The following CELF2 variants were observed in gnomAD, a reference collection of about 807,000 sequenced individuals.
The protein encoded by CELF2 is CUGBP Elav-like family member 2.
Under a neutral mutation model 62.6 loss-of-function variants are expected in CELF2, and 8 were observed. The observed-to-expected ratio is 0.13, with a 90% CI of 0.07 to 0.23. The LOEUF (loss-of-function observed/expected upper bound fraction) is 0.23, where lower values mean the gene tolerates loss of function less well. Ranked by LOEUF, CELF2 falls within the 10% of genes least tolerant of loss-of-function variation. CELF2 has a pLI of 1.00. For synonymous variants in CELF2, 258 were observed against 250.0 expected (o/e 1.03, Z -0.30); for missense variants, 333 against 671.0 (o/e 0.50, Z 5.56).
chr10:10,523,133 A>G, the CELF2 span, among the ~76,000 whole-genome samples: 2 of 152,208 alleles, frequency 1.3e-5, no homozygotes, highest in Non-Finnish European at 2.9e-5. Context: ...AAGAGCTGGC[A>G]GTCAAAGGTG....
At chr10:10,783,076 G>T in the CELF2 span, among the ~76,000 whole-genome samples, 1 of 152,144 alleles carries the variant, frequency 6.6e-6, no homozygotes, top group South Asian at 2.1e-4. Context: ...GAAACATTAA[G>T]AAATTTCCTC....
intron 1 of CELF2, among the ~76,000 whole-genome samples, chr10:10,803,316 G>T (rs2054859585): frequency 1.3e-5 from 2 of 152,122 alleles, no homozygotes; most frequent in Admixed American, 6.5e-5. Context: ...GCCCCATCTG[G>T]CCTGACCCTT....
upstream of CELF2, among the ~76,000 whole-genome samples, chr10:11,013,742 A>C (rs2056835109): frequency 6.6e-6 from 1 of 152,216 alleles, no homozygotes; most frequent in Non-Finnish European, 1.5e-5. This position sits in a 1 kb window ranked among gnomAD's most constrained non-coding sequence, Gnocchi z 4.1. Flanking sequence ...TCACTGTTCC[A>C]GAAGTTATCA....
In CELF2 at chr10:11,246,964, C is replaced by T. The variant is rs1037435947; in HGVS notation, c.355-2189C>T. On this transcript the variant is annotated intron_variant, in intron 3 of 12. Transcript: ENST00000633077. This position sits in a 1 kb window ranked among gnomAD's most constrained non-coding sequence, Gnocchi z 4.6. ...ACTCTTTGCTCATGCTTTCCCCATT[C>T]GGGCAGTCATCCCACAGTCACCTGG... Among the ~76,000 whole-genome samples the T allele has an allele frequency of 6.6e-6, 1 of 152,172 alleles. No homozygotes were observed. Among genetic ancestry groups the T allele is most frequent in the East Asian group, 1.9e-4 (1 of 5,184 alleles).
chr10:10,727,034 G>A, the CELF2 span, among the ~76,000 whole-genome samples: 2 of 152,160 alleles, frequency 1.3e-5, no homozygotes, highest in African/African-American at 2.4e-5. Flanking sequence ...ACCAGATCTC[G>A]TGAGAACTCC....
the CELF2 span, among the ~76,000 whole-genome samples, chr10:10,654,771 G>C: frequency 3.4e-5 from 5 of 146,292 alleles, no homozygotes; most frequent in African/African-American, 1.3e-4. Flanking sequence ...CATACTGAAT[G>C]GGCAAAAACT....
the CELF2 span, among the ~76,000 whole-genome samples, chr10:10,728,452 CAAAAAA>C: frequency 6.1e-5 from 5 of 81,440 alleles, no homozygotes; most frequent in East Asian, 3.6e-4. Flanking sequence ...GACTCTGTTT[CAAAAAA>C]AAAAAAAAAA....
chr10:10,825,488 G>A (rs1435721463), intron 1 of CELF2, among the ~76,000 whole-genome samples: 4 of 152,188 alleles, frequency 2.6e-5, no homozygotes, highest in Non-Finnish European at 4.4e-5. Flanking sequence ...GGGATTACAG[G>A]CATGAGCCAC....
chr10:10,602,007 G>C, the CELF2 span, among the ~76,000 whole-genome samples: 1 of 151,940 alleles, frequency 6.6e-6, no homozygotes, highest in South Asian at 2.1e-4. Context: ...TTTTGTTCCA[G>C]TGTTAGTTTG....
intron 1 of CELF2, among the ~76,000 whole-genome samples, chr10:10,905,892 AAAAAAG>A (rs1371608676): frequency 6.6e-6 from 1 of 150,956 alleles, no homozygotes; most frequent in South Asian, 2.1e-4. Flanking sequence ...AAGAAAAAAA[AAAAAAG>A]AAAAAGAAAA....
chr10:11,046,670 C>T lies in CELF2; in HGVS notation c.74+28507C>T, dbSNP rs373163536. On this transcript the variant is annotated intron_variant, in intron 1 of 12. Transcript: ENST00000633077. This position sits in a 1 kb window ranked among gnomAD's most constrained non-coding sequence, Gnocchi z 4.6. The stretch of plus-strand genomic sequence containing the variant: ...ACTCATTTCAGACGGACGCTAATAA[C>T]AGCCCGCAGAACCCTCAGGACCCAT... Among the ~76,000 whole-genome samples the T allele has an allele frequency of 5.3e-5, 8 of 152,232 alleles. No homozygotes were observed. The highest frequency in any genetic ancestry group is 8.8e-5 in the Non-Finnish European group (6 of 68,012).
intron 1 of CELF2, among the ~76,000 whole-genome samples, chr10:10,817,553 C>T (rs527846014): frequency 6.6e-6 from 1 of 152,242 alleles, no homozygotes; most frequent in East Asian, 1.9e-4. Flanking sequence ...TTAGATCCCA[C>T]CAGTAAGTGA....
At chr10:10,924,276 C>T (rs1455374594) in intron 2 of CELF2, among the ~76,000 whole-genome samples, 7 of 78,934 alleles carry the variant, frequency 8.9e-5, no homozygotes, top group East Asian at 4.3e-4. Flanking sequence ...AGCGAGACTC[C>T]GTCCCAAAAA....
chr10:10,878,814 A>G (rs1475977119), intron 1 of CELF2, among the ~76,000 whole-genome samples: 1 of 152,198 alleles, frequency 6.6e-6, no homozygotes, highest in African/African-American at 2.4e-5. Flanking sequence ...CGTCCTCATG[A>G]CAGCATTGTT....
At chr10:10,751,027 G>A in the CELF2 span, among the ~76,000 whole-genome samples, 4 of 152,180 alleles carry the variant, frequency 2.6e-5, no homozygotes, top group East Asian at 1.9e-4. Context: ...TGAGGATTTC[G>A]AACCCGTTTC....
At chr10:10,835,011 T>C (rs2058162383) in intron 1 of CELF2, among the ~76,000 whole-genome samples, 1 of 152,200 alleles carries the variant, frequency 6.6e-6, no homozygotes, top group Non-Finnish European at 1.5e-5. Flanking sequence ...CTCACATTTG[T>C]GCCCTTTCTA....
At chr10:10,724,988 C>T in the CELF2 span, among the ~76,000 whole-genome samples, 1 of 152,144 alleles carries the variant, frequency 6.6e-6, no homozygotes, top group Non-Finnish European at 1.5e-5. Context: ...TAAGACATTT[C>T]ATTCTGATTA....
chr10:10,905,674 G>C (rs1213316552), intron 1 of CELF2, among the ~76,000 whole-genome samples: 1 of 151,916 alleles, frequency 6.6e-6, no homozygotes, highest in Non-Finnish European at 1.5e-5. Context: ...GTCAGAGATC[G>C]AGACCATCCT....
chr10:10,820,939 G>T (rs2056908966), intron 1 of CELF2, among the ~76,000 whole-genome samples: 1 of 152,182 alleles, frequency 6.6e-6, no homozygotes, highest in Non-Finnish European at 1.5e-5. Context: ...GCATTCTGGG[G>T]GTTATTGTAG....
Sources: gnomAD v4.1 joint callset for allele counts (sites outside exome capture counted in the v4.1 genomes callset) on GRCh38, gnomAD v4.1.1 for gene constraint, Gnocchi (gnomAD v3.1) non-coding constraint, MANE v1.5 for transcripts, NCBI Gene and HGNC (gene_info 2026-07-23, HGNC 2026-07-21) for gene names.